GABPB2: variants seen among roughly 807,000 people sequenced by gnomAD.
GABPB2 encodes the protein GA binding protein transcription factor subunit beta 2.
Under a neutral mutation model 39.1 loss-of-function variants are expected in GABPB2, and 23 were observed. The observed-to-expected ratio is 0.59, with a 90% CI of 0.42 to 0.83. GABPB2 has a LOEUF of 0.83. Among genes scored for constraint, GABPB2 ranks in the 40% least tolerant of loss-of-function variants. The pLI, the probability that GABPB2 is intolerant of heterozygous loss-of-function variation, is 0.00. For synonymous variants in GABPB2, 184 were observed against 199.3 expected, an observed-to-expected ratio of 0.92 and a Z score of 0.65; for missense variants, 467 against 541.1, an observed-to-expected ratio of 0.86 and a Z score of 1.36.
intron 7 of GABPB2, among the ~76,000 whole-genome samples, chr1:151,108,121 A>G (rs1233621755): frequency 6.6e-6 from 1 of 152,148 alleles, no homozygotes; most frequent in East Asian, 1.9e-4. Context: ...GATATTGGTA[A>G]TATCTGTAGG....
intron 2 of GABPB2, 132 bp downstream of exon 2, chr1:151,088,429 T>A (rs1459538802): frequency 8.3e-6 from 11 of 1,330,112 alleles, no homozygotes; most frequent in Non-Finnish European, 9.3e-6. Context: ...AGTTTTATTT[T>A]CTTTGTCTCA....
rs587692037 is a variant in GABPB2, at chr1:151,120,251, A to C, written c.*1995A>C. ...CTACTCGGGAGGCTGAGGCGGTAGA[A>C]TCACTTGAACCCAGGTGACAGAGGT... On this transcript the variant is annotated 3_prime_UTR_variant, in exon 9 of 9. Coordinates refer to ENST00000368918, the MANE Select transcript of GABPB2 (RefSeq NM_144618.3). 6.6e-6 allele frequency: 1 copy of C among 152,278 alleles called. No individual in the cohort carries two copies. Among genetic ancestry groups the C allele is most frequent in the East Asian group, 1.9e-4 (1 of 5,164 alleles). The allele number at this position is 152,278 out of a possible 1,614,324, so 9.4% of individuals were successfully genotyped here.
At chr1:151,115,070 C>T (rs1311832539) in intron 7 of GABPB2, among the ~76,000 whole-genome samples, 1 of 152,210 alleles carries the variant, frequency 6.6e-6, no homozygotes, top group Non-Finnish European at 1.5e-5. Context: ...CCCGAGAGTA[C>T]AATTGCTGGG....
rs1680301840 is a variant in GABPB2, at chr1:151,110,078, T to C, written c.922+2856T>C. Among the ~76,000 whole-genome samples, 4 of 130,802 alleles carry C rather than the reference T, an allele frequency of 3.1e-5. No individual in the cohort carries two copies. In the Admixed American group the frequency reaches 3.6e-4, roughly 12 times the overall value. 85.8% of individuals were successfully genotyped at this position (130,802 alleles called of 152,430 possible). On this transcript the variant is annotated intron_variant, in intron 7 of 8. Transcript: ENST00000368918. ...GGTTTCGCCATGTTGGCCAGGCTGG[T>C]CACTAGCTCCTGAACTCAAGTGATC...
intron 7 of GABPB2, among the ~76,000 whole-genome samples, chr1:151,113,788 G>A (rs1360386082): frequency 6.6e-6 from 1 of 152,140 alleles, no homozygotes; most frequent in East Asian, 1.9e-4. Flanking sequence ...AAAGTGCTGG[G>A]ATTACAGGCA....
At chr1:151,106,267 A>T (rs1030910605) in intron 6 of GABPB2, among the ~76,000 whole-genome samples, 37 of 151,682 alleles carry the variant, frequency 2.4e-4, no homozygotes, top group African/African-American at 8.0e-4. Context: ...CAGCCATTTT[A>T]GACTTTCAAG....
chr1:151,075,418 G>A (rs1280205144), intron 1 of GABPB2, among the ~76,000 whole-genome samples: 1 of 151,532 alleles, frequency 6.6e-6, no homozygotes, highest in Non-Finnish European at 1.5e-5. Context: ...CAAAAAATTA[G>A]CCGGGCATGG....
At chr1:151,083,481 A>G (rs776926787) in intron 1 of GABPB2, among the ~76,000 whole-genome samples, 2 of 152,108 alleles carry the variant, frequency 1.3e-5, no homozygotes, top group African/African-American at 2.4e-5. Context: ...AAAGTACAGA[A>G]AAATTAGCTG....
chr1:151,098,045 G>C lies in GABPB2; in HGVS notation c.622+43G>C, dbSNP rs369983790. On this transcript the variant is annotated intron_variant, in intron 5 of 8. Coordinates refer to ENST00000368918, the MANE Select transcript of GABPB2 (RefSeq NM_144618.3). ...TGAAATTTATTTTAGACTCAAAAAA[G>C]AACAGAACCCTAGATTTTCCAGGAG... 4.7e-5 allele frequency: 74 copies of C among 1,575,286 alleles called. 1 individual carries two copies. The highest frequency in any genetic ancestry group is 3.7e-4 in the South Asian group (33 of 89,858).
intron 1 of GABPB2, among the ~76,000 whole-genome samples, chr1:151,076,967 G>C (rs1677222173): frequency 6.6e-6 from 1 of 151,424 alleles, no homozygotes; most frequent in African/African-American, 2.4e-5. Context: ...CTAATTTTTT[G>C]TATTTTTAGT....
At chr1:151,103,536 C>G (rs1679703877) in intron 5 of GABPB2, 26 bp from the exon 6 acceptor site, 1 of 1,495,658 alleles carries the variant, frequency 6.7e-7, no homozygotes, top group African/African-American at 1.4e-5. Context: ...TACATTGGAC[C>G]TCATTTGTCT....
chr1:151,105,953 G>A (rs956127161), intron 6 of GABPB2, among the ~76,000 whole-genome samples: 7 of 151,178 alleles, frequency 4.6e-5, no homozygotes, highest in African/African-American at 1.7e-4. Flanking sequence ...TGTAATTTAT[G>A]GTTATTTTAG....
At chr1:151,079,505 C>T (rs952929132) in intron 1 of GABPB2, among the ~76,000 whole-genome samples, 65 of 152,200 alleles carry the variant, frequency 4.3e-4, no homozygotes, top group African/African-American at 1.5e-3. Flanking sequence ...TATGCCACTG[C>T]ACTCCAGCCT....
intron 5 of GABPB2, 39 bp from the exon 6 acceptor site, chr1:151,103,523 C>A: frequency 2.2e-6 from 3 of 1,363,768 alleles, no homozygotes; most frequent in Non-Finnish European, 2.1e-6. Flanking sequence ...TCAATTTTTT[C>A]TCTACATTGG....
At chr1:151,106,965 A>G in intron 6 of GABPB2, 72 bp from the exon 7 acceptor site, 4 of 1,000,022 alleles carry the variant, frequency 4.0e-6, no homozygotes, top group Non-Finnish European at 5.8e-6. Context: ...GTCAGGTTCA[A>G]GGAGGTTGAA....
chr1:151,081,949 C>T (rs1010152771), intron 1 of GABPB2, among the ~76,000 whole-genome samples: 7 of 151,642 alleles, frequency 4.6e-5, no homozygotes, highest in African/African-American at 1.2e-4. Flanking sequence ...TAGCTTCATT[C>T]TTATATCTAC....
intron 1 of GABPB2, among the ~76,000 whole-genome samples, chr1:151,073,979 C>CTTTTTTTTT (rs587690492): frequency 7.7e-6 from 1 of 129,052 alleles, no homozygotes. Context: ...ATGGTTATTT[C>CTTTTTTTTT]TTTTTTTTTT....
In GABPB2 at chr1:151,090,456, A is replaced by C. The variant is rs200528946; in HGVS notation, c.159A>C (p.Thr53=). ...CAGCTCAATATGGTCATTATTCCAC[A>C]GCAGAAGTACTCCTTCGAGCAGGTG... ...HLAAQYGHYS[T]AEVLLRAGVS... Residue 53 remains threonine (T), a synonymous_variant, in exon 3 of 9, where the codon ACA becomes ACC. Coordinates refer to ENST00000368918, the MANE Select transcript of GABPB2 (RefSeq NM_144618.3). 7.4e-6 allele frequency: 12 copies of C among 1,614,154 alleles called. No homozygotes were observed. Among genetic ancestry groups the C allele is most frequent in the Middle Eastern group, 1.6e-4 (1 of 6,062 alleles).
At chr1:151,092,466 TG>T (rs1678800334) in intron 3 of GABPB2, among the ~76,000 whole-genome samples, 1 of 152,064 alleles carries the variant, frequency 6.6e-6, no homozygotes. Context: ...TTGACCAGGC[TG>T]GTCTCAGACT....
Sources: allele counts gnomAD v4.1 joint callset (sites outside exome capture counted in the v4.1 genomes callset), GRCh38; gene constraint gnomAD v4.1.1; transcripts MANE v1.5; gene names NCBI Gene and HGNC (gene_info 2026-07-23, HGNC 2026-07-21).